The following NCOA7 variants were observed in gnomAD, a reference collection of about 807,000 sequenced individuals.
The protein encoded by NCOA7 is 140 kDa estrogen receptor-associated protein.
NCOA7 carries 45 observed loss-of-function variants against 104.3 expected under a neutral mutation model. That is an observed-to-expected ratio of 0.43 (90% CI 0.34 to 0.55). The LOEUF (loss-of-function observed/expected upper bound fraction) is 0.55, where lower values mean the gene tolerates loss of function less well. NCOA7 is among the 20% of genes least tolerant of loss of function. The pLI, the probability that NCOA7 is intolerant of heterozygous loss-of-function variation, is 0.02. For synonymous variants in NCOA7, 398 were observed against 402.3 expected (o/e 0.99, Z 0.13); for missense variants, 1,041 against 1,119.7 (o/e 0.93, Z 1.00).
At chr6:125,820,528 CT>C (rs1465684524) in intron 2 of NCOA7, among the ~76,000 whole-genome samples, 7 of 152,194 alleles carry the variant, frequency 4.6e-5, no homozygotes, top group Admixed American at 3.9e-4. Flanking sequence ...TTTGAACCCA[CT>C]GTATAGCTTT....
intron 13 of NCOA7, among the ~76,000 whole-genome samples, chr6:125,923,399 T>C (rs978417628): frequency 3.9e-5 from 6 of 152,204 alleles, no homozygotes; most frequent in African/African-American, 1.4e-4. Flanking sequence ...ACAGTTGGTC[T>C]TTCTTGGAGG....
At position 125,901,789 on chromosome 6, in the gene NCOA7, A is replaced by T. The variant is rs539480842; in HGVS notation, c.2096+10979A>T. 3.9e-5 allele frequency among the ~76,000 whole-genome samples: 6 copies of T among 152,292 alleles called. No homozygotes were observed. The East Asian group carries it at 1.2e-3, about 29-fold the overall frequency. ...AGCATCCAGGAAGAAATCAGGTCCCATGGCCTTGAAGGATGGTGAATGTGG... is the reference window on the plus strand; with the variant it reads ...AGCATCCAGGAAGAAATCAGGTCCCTTGGCCTTGAAGGATGGTGAATGTGG... On this transcript the variant is annotated intron_variant, in intron 10 of 15. Transcript: ENST00000392477.
At chr6:125,924,822 G>A (rs1787887538) in intron 13 of NCOA7, among the ~76,000 whole-genome samples, 2 of 152,122 alleles carry the variant, frequency 1.3e-5, no homozygotes, top group Admixed American at 1.3e-4. Flanking sequence ...AAGAAGATGG[G>A]GCACTCTCTT....
Position 125,928,252 on chromosome 6 carries a change from G to A in NCOA7, c.2693+5G>A. Reference sequence around the variant, plus strand: ...TTTAGAACTTGGTGGTGGAGGGTAAGGTTTTTTTTGTTTTTGTTTTCTTAT... The same window carrying A: ...TTTAGAACTTGGTGGTGGAGGGTAAAGTTTTTTTTGTTTTTGTTTTCTTAT... On this transcript the variant is annotated splice_donor_5th_base_variant and intron_variant, in intron 15 of 15. Coordinates refer to ENST00000392477, the MANE Select transcript of NCOA7 (RefSeq NM_181782.5). 1 of 1,601,250 alleles carries A rather than the reference G, an allele frequency of 6.2e-7. No individual in the cohort carries two copies. Among genetic ancestry groups the A allele is most frequent in the Non-Finnish European group, 8.5e-7 (1 of 1,176,816 alleles).
At chr6:125,860,928 G>T (rs980619737) in intron 3 of NCOA7, among the ~76,000 whole-genome samples, 4 of 152,168 alleles carry the variant, frequency 2.6e-5, no homozygotes, top group Admixed American at 6.5e-5. Context: ...ATCTTGGATA[G>T]TGAAGTTGAA....
At chr6:125,856,866 CAT>C (rs1781605984) in intron 3 of NCOA7, among the ~76,000 whole-genome samples, 2 of 152,266 alleles carry the variant, frequency 1.3e-5, no homozygotes, top group African/African-American at 4.8e-5. Context: ...GTAAGGGAAA[CAT>C]ACCTTGTATC....
chr6:125,848,775 G>A (rs952049820), intron 2 of NCOA7, among the ~76,000 whole-genome samples: 25 of 152,268 alleles, frequency 1.6e-4, no homozygotes, highest in African/African-American at 5.5e-4. Context: ...TTGTGCACAA[G>A]TACCCTAGGA....
chr6:125,822,434 A>T (rs1778271860), intron 2 of NCOA7, among the ~76,000 whole-genome samples: 1 of 152,220 alleles, frequency 6.6e-6, no homozygotes, highest in Non-Finnish European at 1.5e-5. Context: ...CCTTAAAATG[A>T]TCCTACAAAT....
In NCOA7 at chr6:125,830,737, A is replaced by ATGTGTGTGTGTGTG. The variant is rs890797445; in HGVS notation, c.50+15343_50+15356dup. Among the ~76,000 whole-genome samples, 14 of 93,054 alleles carry ATGTGTGTGTGTGTG rather than the reference A, an allele frequency of 1.5e-4. No individual in the cohort carries two copies. The East Asian group carries it at 1.8e-3, about 12-fold the overall frequency. 61.0% of individuals were successfully genotyped at this position (93,054 alleles called of 152,430 possible). ...CTATATATTTTATATATATATATAT[A>ATGTGTGTGTGTGTG]TGTGTGTGTGTGTGTGTGTGTGTAT... On this transcript the variant is annotated intron_variant, in intron 2 of 15. Transcript: ENST00000392477.
intron 1 of NCOA7, among the ~76,000 whole-genome samples, chr6:125,793,849 T>C (rs1315728581): frequency 6.6e-6 from 1 of 152,216 alleles, no homozygotes; most frequent in African/African-American, 2.4e-5. Context: ...AGAGTGATTG[T>C]TGTCTACTGG....
intron 2 of NCOA7, among the ~76,000 whole-genome samples, chr6:125,816,868 C>T (rs898410353): frequency 2.6e-5 from 4 of 152,110 alleles, no homozygotes; most frequent in African/African-American, 9.7e-5. Context: ...CACCATCAGT[C>T]AAGATACAGA....
chr6:125,876,210 G>A (rs1467229257), intron 4 of NCOA7, among the ~76,000 whole-genome samples: 2 of 152,196 alleles, frequency 1.3e-5, no homozygotes, highest in African/African-American at 4.8e-5. Flanking sequence ...TTTTGCAATA[G>A]TAAATCTGCA....
rs1034523047 is a variant in NCOA7, at chr6:125,885,018, A to T, written c.700-141A>T. The T allele has an allele frequency of 7.2e-6, 6 of 837,670 alleles. No homozygotes were observed. In the African/African-American group the frequency reaches 1.0e-4, roughly 14 times the overall value. The allele number at this position is 837,670 out of a possible 1,614,324, so 51.9% of individuals were successfully genotyped here. On this transcript the variant is annotated intron_variant, in intron 7 of 15. Transcript: ENST00000392477. ...TCTTCAGCCTGTTTTTCTGGTCCTC[A>T]CAAAGGGGATGTAATTGTCACATAG...
intron 2 of NCOA7, among the ~76,000 whole-genome samples, chr6:125,843,834 C>A (rs1277867310): frequency 1.3e-5 from 2 of 152,138 alleles, no homozygotes; most frequent in Non-Finnish European, 2.9e-5. Flanking sequence ...AAAAGGGAAC[C>A]AAATTCTCAC....
intron 5 of NCOA7, 99 bp downstream of exon 5, chr6:125,878,469 A>T: frequency 2.7e-6 from 2 of 730,440 alleles, no homozygotes; most frequent in Non-Finnish European, 4.3e-6. Context: ...GATTATGATA[A>T]ATGATAATGT....
intron 8 of NCOA7, among the ~76,000 whole-genome samples, chr6:125,888,639 A>G (rs1784416721): frequency 6.6e-6 from 1 of 152,180 alleles, no homozygotes; most frequent in Non-Finnish European, 1.5e-5. Context: ...TAGAAATCTT[A>G]TGGGTAACAT....
chr6:125,811,385 T>G (rs184954699), intron 1 of NCOA7, among the ~76,000 whole-genome samples: 77 of 152,336 alleles, frequency 5.1e-4, no homozygotes, highest in African/African-American at 1.8e-3. Context: ...GTTATTTGAC[T>G]TGAAGGAATT....
At chr6:125,907,180 G>A (rs564517714) in intron 10 of NCOA7, among the ~76,000 whole-genome samples, 2 of 152,348 alleles carry the variant, frequency 1.3e-5, no homozygotes, top group African/African-American at 4.8e-5. Context: ...TATGCGGGAG[G>A]CTACTGTTGA....
intron 3 of NCOA7, among the ~76,000 whole-genome samples, chr6:125,863,002 CAAAAA>C (rs555432383): frequency 7.3e-6 from 1 of 137,928 alleles, no homozygotes; most frequent in African/African-American, 3.0e-5. Flanking sequence ...CTCAAAAAAA[CAAAAA>C]AACAAACAAA....
Sources: allele counts gnomAD v4.1 joint callset (sites outside exome capture counted in the v4.1 genomes callset), GRCh38; gene constraint gnomAD v4.1.1; transcripts MANE v1.5; gene names NCBI Gene and HGNC (gene_info 2026-07-23, HGNC 2026-07-21).